The following CHDH variants were observed in gnomAD, a reference collection of about 807,000 sequenced individuals.
CHDH encodes choline dehydrogenase, also known as choline dehydrogenase, mitochondrial.
Under a neutral mutation model 56.9 loss-of-function variants are expected in CHDH, and 43 were observed. That is an observed-to-expected ratio of 0.76 (90% confidence interval 0.59 to 0.97). CHDH has a LOEUF of 0.97. CHDH is among the 50% of genes least tolerant of loss of function. The pLI, the probability that CHDH is intolerant of heterozygous loss-of-function variation, is 0.00. For missense variants in CHDH, 816 were observed against 821.1 expected, an observed-to-expected ratio of 0.99 and a Z score of 0.08; for synonymous variants, 364 against 348.5, an observed-to-expected ratio of 1.04 and a Z score of -0.50.
At chr3:53,845,676 G>A (rs1016831608) in intron 1 of CHDH, among the ~76,000 whole-genome samples, 12 of 152,162 alleles carry the variant, frequency 7.9e-5, no homozygotes, top group African/African-American at 2.4e-4. Context: ...CGGACCTGCC[G>A]TCTGGATCTC....
chr3:53,818,868 A>G, intron 8 of CHDH, 70 bp downstream of exon 8: 1 of 946,442 alleles, frequency 1.1e-6, no homozygotes, highest in Non-Finnish European at 1.8e-6. Flanking sequence ...GGTATGATTC[A>G]GGGATAAACA....
chr3:53,818,628 CA>C lies in CHDH; in HGVS notation c.1366+309del, dbSNP rs1337026253. ...TTTTAGAGACTGCTCAGAGTGACAA[CA>C]GGAAAAATGCTCTACCTACAGACCT... On this transcript the variant is annotated intron_variant, in intron 8 of 8. Coordinates refer to ENST00000315251, the MANE Select transcript of CHDH (RefSeq NM_018397.5). Among the ~76,000 whole-genome samples, 3 of 152,308 alleles carry C rather than the reference CA, an allele frequency of 2.0e-5. No homozygotes were observed. The East Asian group carries it at 5.8e-4, about 29-fold the overall frequency.
At chr3:53,825,150 T>A (rs72982054) in intron 2 of CHDH, among the ~76,000 whole-genome samples, 3,809 of 152,296 alleles carry the variant, frequency 0.025, 162 homozygotes, top group African/African-American at 0.085. Context: ...CCCAACAGAA[T>A]GAAAGACAGG....
chr3:53,820,439 C>CA, intron 6 of CHDH, 35 bp downstream of exon 6: 1 of 1,587,702 alleles, frequency 6.3e-7, no homozygotes, highest in South Asian at 1.2e-5. Context: ...TGCTTATAGG[C>CA]AGTCTCCTCC....
chr3:53,822,398 G>A, intron 4 of CHDH, 93 bp downstream of exon 4: 1 of 1,226,656 alleles, frequency 8.2e-7, no homozygotes, highest in Non-Finnish European at 1.2e-6. Flanking sequence ...CGTGGGTCTG[G>A]GGGTGAGGGC....
At chr3:53,843,684 C>T (rs1005058836) in intron 1 of CHDH, among the ~76,000 whole-genome samples, 1 of 150,624 alleles carries the variant, frequency 6.6e-6, no homozygotes, top group East Asian at 1.9e-4. Flanking sequence ...CCTACAAAGC[C>T]CCCCCGGACA....
chr3:53,819,434 A>G lies in CHDH; in HGVS notation c.1263+98T>C. 1 of 1,477,942 alleles carries G rather than the reference A, an allele frequency of 6.8e-7. No homozygotes were observed. Among genetic ancestry groups the G allele is most frequent in the Non-Finnish European group, 9.1e-7 (1 of 1,095,350 alleles). The allele number at this position is 1,477,942 out of a possible 1,614,324, so 91.6% of individuals were successfully genotyped here. A position where few individuals can be genotyped will look rare whatever the true frequency, so the allele number is the denominator to read the frequency against. On this transcript the variant is annotated intron_variant, in intron 7 of 8. Coordinates refer to ENST00000315251, the MANE Select transcript of CHDH (RefSeq NM_018397.5). The surrounding 1 kb of genome is among the most constrained non-coding windows in gnomAD (Gnocchi z 5.4). ...TCTGTGTCCCCCACTCTGCAGCCATATGGCACCAGGGAGAATGCTGCCTTG... is the reference window on the plus strand; with the variant it reads ...TCTGTGTCCCCCACTCTGCAGCCATGTGGCACCAGGGAGAATGCTGCCTTG...
intron 2 of CHDH, among the ~76,000 whole-genome samples, chr3:53,840,386 G>A (rs1374290852): frequency 6.6e-6 from 1 of 152,066 alleles, no homozygotes; most frequent in African/African-American, 2.4e-5. Context: ...TTATTAGCTG[G>A]ACATGGTAGC....
chr3:53,826,407 T>C (rs895492911), intron 2 of CHDH, among the ~76,000 whole-genome samples: 1 of 151,716 alleles, frequency 6.6e-6, no homozygotes, highest in Non-Finnish European at 1.5e-5. Flanking sequence ...AAAGTATGTA[T>C]AGAAAGAATT....
At chr3:53,845,430 C>G (rs1255073678) in intron 1 of CHDH, among the ~76,000 whole-genome samples, 4 of 152,222 alleles carry the variant, frequency 2.6e-5, no homozygotes, top group Non-Finnish European at 5.9e-5. Context: ...TAGAATGGAG[C>G]TAATTCTGCC....
chr3:53,825,018 G>A (rs1179816316), intron 2 of CHDH, among the ~76,000 whole-genome samples: 2 of 152,214 alleles, frequency 1.3e-5, no homozygotes, highest in Non-Finnish European at 2.9e-5. Flanking sequence ...AGGCATAGGA[G>A]ACAGAGGTGG....
In CHDH at chr3:53,822,578, G is replaced by A. The variant is rs764233519; in HGVS notation, c.768C>T (p.Ala256=). 63 of 1,612,954 alleles carry A rather than the reference G, an allele frequency of 3.9e-5. No homozygotes were observed. The highest frequency in any genetic ancestry group is 4.3e-5 in the Non-Finnish European group (51 of 1,180,016). The change falls in exon 4 of 9, where the codon GCC becomes GCT. Residue 256 remains alanine (A), a synonymous_variant. Transcript: ENST00000315251. Reference sequence around the variant, plus strand: ...CCCTGCTCACAAGCGTCTCGGCCTCGGCCTTGAGGTTGGTGCGGCTCAGTG... The same window carrying A: ...CCCTGCTCACAAGCGTCTCGGCCTCAGCCTTGAGGTTGGTGCGGCTCAGTG... ...HPALSRTNLK[A]EAETLVSRVL...
chr3:53,845,108 T>C (rs1698815898), intron 1 of CHDH, among the ~76,000 whole-genome samples: 1 of 152,020 alleles, frequency 6.6e-6, no homozygotes, highest in Non-Finnish European at 1.5e-5. Flanking sequence ...CTCAGAGAGG[T>C]GGAATGAGGG....
chr3:53,827,557 G>C (rs909314692), intron 2 of CHDH, among the ~76,000 whole-genome samples: 1 of 152,176 alleles, frequency 6.6e-6, no homozygotes, highest in African/African-American at 2.4e-5. Flanking sequence ...GCTTGAGGCT[G>C]CAGAGAGGTA....
chr3:53,825,919 A>G (rs2095638228), intron 2 of CHDH, among the ~76,000 whole-genome samples: 1 of 152,156 alleles, frequency 6.6e-6, no homozygotes. Flanking sequence ...ATGGAGTGAC[A>G]ACTTTAAATA....
chr3:53,814,751 C>T lies in CHDH; in HGVS notation c.*3026G>A, dbSNP rs1447311333. On this transcript the variant is annotated 3_prime_UTR_variant, in exon 9 of 9. Coordinates refer to ENST00000315251, the MANE Select transcript of CHDH (RefSeq NM_018397.5). ...CTTGGCTCACTGCAGCCTGCGCCAC[C>T]CAGGTTCAAGCGATTCTCCTGTATC... is the stretch of plus-strand genomic sequence containing the variant. 6.6e-6 allele frequency: 1 copy of T among 152,078 alleles called. No homozygotes were observed. The highest frequency in any genetic ancestry group is 1.5e-5 in the Non-Finnish European group (1 of 68,058). 9.4% of individuals were successfully genotyped at this position (152,078 alleles called of 1,614,324 possible).
intron 6 of CHDH, 146 bp downstream of exon 6, chr3:53,820,328 A>T: frequency 1.1e-6 from 1 of 939,884 alleles, no homozygotes; most frequent in Admixed American, 2.9e-5. Context: ...CCCATTTTGA[A>T]GATGGAAAAA....
chr3:53,831,805 G>A (rs1023521310), intron 2 of CHDH, among the ~76,000 whole-genome samples: 3 of 152,032 alleles, frequency 2.0e-5, no homozygotes, highest in African/African-American at 7.2e-5. Flanking sequence ...TAATCATTAT[G>A]AAACTATAAA....
At position 53,818,912 on chromosome 3, in the gene CHDH, C is replaced by G. The variant is rs191180694; in HGVS notation, c.1366+26G>C. On this transcript the variant is annotated intron_variant, in intron 8 of 8. Transcript: ENST00000315251. ...ACAAAGGCATTCGTTTGTTCAAGCC[C>G]AGGAAGACACAGGTGGGTGAAGTAC... 9 of 1,431,494 alleles carry G rather than the reference C, an allele frequency of 6.3e-6. No homozygotes were observed. The Admixed American group carries it at 1.3e-4, about 21-fold the overall frequency. 88.7% of individuals were successfully genotyped at this position (1,431,494 alleles called of 1,614,324 possible).
Sources: gnomAD v4.1 joint callset for allele counts (sites outside exome capture counted in the v4.1 genomes callset) on GRCh38, gnomAD v4.1.1 for gene constraint, Gnocchi (gnomAD v3.1) non-coding constraint, MANE v1.5 for transcripts, NCBI Gene and HGNC (gene_info 2026-07-23, HGNC 2026-07-21) for gene names.